SLC16A7: variants seen among roughly 807,000 people sequenced by gnomAD.
The protein encoded by SLC16A7 is solute carrier family 16 member 7.
In SLC16A7, 33 loss-of-function variants were observed where a neutral mutation model predicts 34.9. The observed-to-expected ratio is 0.94, with a 90% CI of 0.72 to 1.26. The LOEUF (loss-of-function observed/expected upper bound fraction) is 1.26, where lower values mean the gene tolerates loss of function less well. Ranked by LOEUF, SLC16A7 falls within the 50% of genes most tolerant of loss-of-function variation. SLC16A7 has a pLI of 0.00. For missense variants in SLC16A7, 573 were observed against 578.1 expected, an observed-to-expected ratio of 0.99 and a Z score of 0.09; for synonymous variants, 201 against 206.6, an observed-to-expected ratio of 0.97 and a Z score of 0.23.
chr12:59,602,640 C>G (rs191784761), intron 1 of SLC16A7, among the ~76,000 whole-genome samples: 2 of 151,882 alleles, frequency 1.3e-5, no homozygotes, highest in East Asian at 3.9e-4. Context: ...CCCACCATCA[C>G]GTCTGGCTAA....
At chr12:59,651,349 A>G (rs1357120401) in intron 1 of SLC16A7, among the ~76,000 whole-genome samples, 3 of 152,130 alleles carry the variant, frequency 2.0e-5, no homozygotes, top group Non-Finnish European at 4.4e-5. Flanking sequence ...TTTTCAGTAT[A>G]TGATGATGTA....
intron 2 of SLC16A7, among the ~76,000 whole-genome samples, chr12:59,663,448 G>T (rs1182818069): frequency 6.6e-6 from 1 of 151,926 alleles, no homozygotes; most frequent in Non-Finnish European, 1.5e-5. Flanking sequence ...TGAGGTATAT[G>T]TACAGGGTAC....
chr12:59,773,064 G>C (rs1023469293), intron 4 of SLC16A7, among the ~76,000 whole-genome samples: 1 of 151,332 alleles, frequency 6.6e-6, no homozygotes, highest in Admixed American at 6.6e-5. Flanking sequence ...GAAGGCAAAA[G>C]TTCCAGGCGA....
chr12:59,619,809 T>C (rs563729290), intron 1 of SLC16A7, among the ~76,000 whole-genome samples: 5 of 152,098 alleles, frequency 3.3e-5, no homozygotes, highest in African/African-American at 9.6e-5. Flanking sequence ...ATAATAATGA[T>C]TTACATTGAT....
At chr12:59,602,761 A>T (rs142126744) in intron 1 of SLC16A7, among the ~76,000 whole-genome samples, 1 of 152,134 alleles carries the variant, frequency 6.6e-6, no homozygotes, top group South Asian at 2.1e-4. Flanking sequence ...CTGGAATTAC[A>T]GACATGAGCC....
intron 3 of SLC16A7, among the ~76,000 whole-genome samples, chr12:59,737,787 A>G (rs1877770566): frequency 6.6e-6 from 1 of 152,156 alleles, no homozygotes; most frequent in African/African-American, 2.4e-5. Context: ...ATTAACTGAT[A>G]CTTGGGGTAT....
chr12:59,622,558 A>G (rs1262874527), intron 1 of SLC16A7, among the ~76,000 whole-genome samples: 1 of 151,808 alleles, frequency 6.6e-6, no homozygotes, highest in Non-Finnish European at 1.5e-5. Flanking sequence ...TTGATATGTG[A>G]TTATGAATTA....
intron 3 of SLC16A7, among the ~76,000 whole-genome samples, chr12:59,745,637 T>G (rs1416461407): frequency 6.6e-6 from 1 of 152,124 alleles, no homozygotes; most frequent in Admixed American, 6.5e-5. Context: ...AATATAGAAC[T>G]GTGGCAATTA....
intron 1 of SLC16A7, among the ~76,000 whole-genome samples, chr12:59,597,725 C>T (rs948724336): frequency 3.9e-5 from 6 of 152,132 alleles, no homozygotes; most frequent in Non-Finnish European, 8.8e-5. Flanking sequence ...ACATTTAAAG[C>T]AATCCAAGTG....
Position 59,786,605 on chromosome 12 carries a change from T to G in SLC16A7, c.*6926T>G, listed in dbSNP as rs920344509. On this transcript the variant is annotated 3_prime_UTR_variant, in exon 6 of 6. Coordinates refer to ENST00000547379, the MANE Select transcript of SLC16A7 (RefSeq NM_001270623.2). ...AGATCTAATTGTATTTTGATTTGTT[T>G]TGATATATTTATGTCTCAGAAGATA... 9 of 152,194 alleles carry G rather than the reference T, an allele frequency of 5.9e-5. No individual in the cohort carries two copies. The highest frequency in any genetic ancestry group is 1.3e-4 in the Non-Finnish European group (9 of 68,018). The allele number at this position is 152,194 out of a possible 1,614,324, so 9.4% of individuals were successfully genotyped here.
At chr12:59,618,511 A>G (rs1014982294) in intron 1 of SLC16A7, among the ~76,000 whole-genome samples, 3 of 151,968 alleles carry the variant, frequency 2.0e-5, no homozygotes, top group African/African-American at 7.2e-5. Context: ...ATGTTTGCCA[A>G]TCTGCTGAAA....
chr12:59,692,258 A>C (rs923530638), intron 2 of SLC16A7, among the ~76,000 whole-genome samples: 2 of 151,920 alleles, frequency 1.3e-5, no homozygotes, highest in African/African-American at 4.8e-5. Context: ...ATGTGATTGC[A>C]TTTAGGGCCC....
chr12:59,676,036 A>G (rs761250118), intron 2 of SLC16A7, among the ~76,000 whole-genome samples: 1 of 152,164 alleles, frequency 6.6e-6, no homozygotes, highest in Non-Finnish European at 1.5e-5. Context: ...CAAATTGTCA[A>G]GAAATTTATG....
At chr12:59,632,746 CTT>C (rs1880239057) in intron 1 of SLC16A7, among the ~76,000 whole-genome samples, 1 of 151,970 alleles carries the variant, frequency 6.6e-6, no homozygotes, top group Non-Finnish European at 1.5e-5. Flanking sequence ...ACTGGAATAA[CTT>C]AGCATATTTT....
intron 3 of SLC16A7, among the ~76,000 whole-genome samples, chr12:59,755,495 C>G (rs1425107961): frequency 6.6e-6 from 1 of 152,154 alleles, no homozygotes; most frequent in African/African-American, 2.4e-5. Flanking sequence ...TGAGTGAACT[C>G]CCTTTCACAA....
At chr12:59,662,559 C>T (rs1414484230) in intron 2 of SLC16A7, among the ~76,000 whole-genome samples, 1 of 152,078 alleles carries the variant, frequency 6.6e-6, no homozygotes. Context: ...CCCCAGGGCT[C>T]CTGGTGAACA....
At chr12:59,668,678 T>A (rs1043086843) in intron 2 of SLC16A7, among the ~76,000 whole-genome samples, 3 of 152,094 alleles carry the variant, frequency 2.0e-5, no homozygotes, top group East Asian at 3.9e-4. Flanking sequence ...AATTAAGACT[T>A]TGAGGGATTT....
chr12:59,597,825 T>G (rs1010753891), intron 1 of SLC16A7, among the ~76,000 whole-genome samples: 1 of 152,222 alleles, frequency 6.6e-6, no homozygotes, highest in Non-Finnish European at 1.5e-5. Flanking sequence ...AGAAACTATT[T>G]TTTGCAAATA....
chr12:59,641,004 A>AAT (rs1565628352), intron 1 of SLC16A7, among the ~76,000 whole-genome samples: 1 of 152,012 alleles, frequency 6.6e-6, no homozygotes, highest in African/African-American at 2.4e-5. Flanking sequence ...GAAAATTAAA[A>AAT]ATATATATAT....
Sources: gnomAD v4.1 joint callset for allele counts (sites outside exome capture counted in the v4.1 genomes callset) on GRCh38, gnomAD v4.1.1 for gene constraint, MANE v1.5 for transcripts, NCBI Gene and HGNC (gene_info 2026-07-23, HGNC 2026-07-21) for gene names.